Variants in PCDHGB4 observed in about 807,000 individuals in gnomAD.
The protein encoded by PCDHGB4 is protocadherin gamma subfamily B, 4.
A neutral mutation model predicts 60.5 loss-of-function variants in PCDHGB4; 38 were observed. The ratio of observed to expected loss-of-function variants is 0.63; its 90% CI spans 0.48 to 0.82. PCDHGB4 has a LOEUF of 0.82. Among genes scored for constraint, PCDHGB4 ranks in the 40% least tolerant of loss-of-function variants. PCDHGB4 has a pLI of 0.00. For synonymous variants in PCDHGB4, 456 were observed against 509.7 expected (o/e 0.89, Z 1.42); for missense variants, 1,109 against 1,209.6 (o/e 0.92, Z 1.23).
intron 1 of PCDHGB4, among the ~76,000 whole-genome samples, chr5:141,484,685 T>G (rs2099599013): frequency 6.6e-6 from 1 of 151,934 alleles, no homozygotes; most frequent in Non-Finnish European, 1.5e-5. Flanking sequence ...TTGCTAGGGC[T>G]CAGGCTGTGG....
At position 141,508,878 on chromosome 5, in the gene PCDHGB4, C is replaced by A. The variant is rs189735747; in HGVS notation, c.2546-2069C>A. The stretch of plus-strand genomic sequence containing the variant: ...GGCTGGGAAAGGCTGAAGAGGCTGA[C>A]GGCTGGAGGGGAGGGGGCGGGGCGG... On this transcript the variant is annotated intron_variant, in intron 3 of 3. Transcript: ENST00000519479. Among the ~76,000 whole-genome samples, 561 of 152,074 alleles carry A rather than the reference C, an allele frequency of 3.7e-3. 3 individuals carry two copies. The highest frequency in any genetic ancestry group is 0.012 in the African/African-American group (508 of 41,498).
At chr5:141,441,872 G>A (rs1400648028) in intron 1 of PCDHGB4, 4 of 341,526 alleles carry the variant, frequency 1.2e-5, no homozygotes, top group East Asian at 9.4e-5. Context: ...GCGGAGCCTG[G>A]CTACCTGGTC....
chr5:141,412,396 A>G (rs2095553141), intron 1 of PCDHGB4: 1 of 152,216 alleles, frequency 6.6e-6, no homozygotes, highest in Non-Finnish European at 1.5e-5. Flanking sequence ...TTTAACTTGT[A>G]TCCCTGTAAG....
At chr5:141,427,984 C>G (rs754620535) in intron 1 of PCDHGB4, 2 of 1,597,494 alleles carry the variant, frequency 1.3e-6, no homozygotes, top group South Asian at 2.2e-5. Flanking sequence ...GCGCTGGGGC[C>G]CGATGGCTCC....
At chr5:141,484,790 A>T (rs1562101198) in intron 1 of PCDHGB4, among the ~76,000 whole-genome samples, 1 of 152,076 alleles carries the variant, frequency 6.6e-6, no homozygotes, top group Admixed American at 6.6e-5. Flanking sequence ...CACAGAGATA[A>T]CAACCCGTGG....
At position 141,404,149 on chromosome 5, in the gene PCDHGB4, A is replaced by G. The variant is rs758060942; in HGVS notation, c.2397+13868A>G. The G allele has an allele frequency of 3.1e-6, 5 of 1,612,750 alleles. No individual in the cohort carries two copies. In the African/African-American group the frequency reaches 5.3e-5, roughly 17 times the overall value. On this transcript the variant is annotated intron_variant, in intron 1 of 3. Transcript: ENST00000519479. Reference sequence around the variant, plus strand: ...CTTTTACATTAGAAAATTCAGAAGAAGATTATTACAGATTGTTGACGGCCC... The same window carrying G: ...CTTTTACATTAGAAAATTCAGAAGAGGATTATTACAGATTGTTGACGGCCC...
intron 1 of PCDHGB4, chr5:141,413,112 G>A (rs1589839162): frequency 6.7e-7 from 1 of 1,502,662 alleles, no homozygotes; most frequent in East Asian, 2.3e-5. Flanking sequence ...GAAAGACAAA[G>A]GAACCGGTTG....
chr5:141,409,805 C>T lies in PCDHGB4; in HGVS notation c.2397+19524C>T, dbSNP rs751397816. 8 of 1,611,512 alleles carry T rather than the reference C, an allele frequency of 5.0e-6. No individual in the cohort carries two copies. The African/African-American group carries it at 5.3e-5, about 11-fold the overall frequency. ...CGCCTTCGCGCTCACGCTGCAGGCC[C>T]GCGACCACGGCTCGCCCACGCTCAG... is the stretch of plus-strand genomic sequence containing the variant. On this transcript the variant is annotated intron_variant, in intron 1 of 3. Coordinates refer to ENST00000519479, the MANE Select transcript of PCDHGB4 (RefSeq NM_003736.4).
chr5:141,475,343 G>C (rs1425482944), intron 1 of PCDHGB4, among the ~76,000 whole-genome samples: 3 of 152,178 alleles, frequency 2.0e-5, no homozygotes, highest in Non-Finnish European at 2.9e-5. Context: ...ATGACATCCA[G>C]TTTTAAAAGA....
intron 1 of PCDHGB4, chr5:141,428,680 G>T: frequency 6.1e-6 from 1 of 162,778 alleles, no homozygotes; most frequent in Admixed American, 5.8e-5. Context: ...ATTTACAAAT[G>T]GATGAGGTTT....
At chr5:141,419,773 C>G (rs2096431068) in intron 1 of PCDHGB4, 1 of 1,613,916 alleles carries the variant, frequency 6.2e-7, no homozygotes, top group Non-Finnish European at 8.5e-7. Context: ...AGGACTCGGT[C>G]CGCCAGCGCC....
chr5:141,393,169 T>C lies in PCDHGB4; in HGVS notation c.2397+2888T>C, dbSNP rs113280752. 2,582 of 1,613,090 alleles carry C rather than the reference T, an allele frequency of 1.6e-3. 1 individual carries two copies. The highest frequency in any genetic ancestry group is 1.9e-3 in the Non-Finnish European group (2,191 of 1,179,870). On this transcript the variant is annotated intron_variant, in intron 1 of 3. Coordinates refer to ENST00000519479, the MANE Select transcript of PCDHGB4 (RefSeq NM_003736.4). ...GAGGATAAAGGAAAACTCTTTGGGGTAGAAATAGAAATAATTGATATTAAC... is the reference window on the plus strand; with the variant it reads ...GAGGATAAAGGAAAACTCTTTGGGGCAGAAATAGAAATAATTGATATTAAC...
rs980172909 is a variant in PCDHGB4, at chr5:141,485,917, G to A, written c.2398-8890G>A. On this transcript the variant is annotated intron_variant, in intron 1 of 3. Transcript: ENST00000519479. The surrounding 1 kb of genome is among the most constrained non-coding windows in gnomAD (Gnocchi z 5.7). ...CAGCCTTCCAGCAATCCAGCTACAGGATTAGTGTGTTGGAGAGCGCACCAG... is the reference window on the plus strand; with the variant it reads ...CAGCCTTCCAGCAATCCAGCTACAGAATTAGTGTGTTGGAGAGCGCACCAG... The A allele has an allele frequency of 2.6e-5, 42 of 1,614,078 alleles. No homozygotes were observed. Among genetic ancestry groups the A allele is most frequent in the Non-Finnish European group, 3.5e-5 (41 of 1,180,050 alleles).
At chr5:141,411,562 C>A (rs569842846) in intron 1 of PCDHGB4, 1 of 152,054 alleles carries the variant, frequency 6.6e-6, no homozygotes, top group Non-Finnish European at 1.5e-5. Context: ...CCAGCCTGGG[C>A]GACAGAGTGC....
In PCDHGB4 at chr5:141,432,091, C is replaced by A. The variant is rs370491149; in HGVS notation, c.2397+41810C>A. ...CTCATATCTCGCTGAACGTGGCAGA[C>A]ACCAACGACAACCCGCCGGTCTTCC... On this transcript the variant is annotated intron_variant, in intron 1 of 3. Coordinates refer to ENST00000519479, the MANE Select transcript of PCDHGB4 (RefSeq NM_003736.4). This position sits in a 1 kb window ranked among gnomAD's most constrained non-coding sequence, Gnocchi z 6.0. 6.2e-7 allele frequency: 1 copy of A among 1,614,056 alleles called. No individual in the cohort carries two copies. Among genetic ancestry groups the A allele is most frequent in the African/African-American group, 1.3e-5 (1 of 74,908 alleles).
chr5:141,404,752 G>C, intron 1 of PCDHGB4: 1 of 1,614,010 alleles, frequency 6.2e-7, no homozygotes, highest in Non-Finnish European at 8.5e-7. Flanking sequence ...ACTCAGGCCA[G>C]AATGCTTGGC....
In PCDHGB4 at chr5:141,407,146, T is replaced by C. The variant is rs142297912; in HGVS notation, c.2397+16865T>C. On this transcript the variant is annotated intron_variant, in intron 1 of 3. Transcript: ENST00000519479. ...TGCTTTATTTTTAAGAAAAAAAAGC[T>C]GAAGTGTCTGGGAATCCTTTATGAC... 2.0e-5 allele frequency among the ~76,000 whole-genome samples: 3 copies of C among 152,354 alleles called. No individual in the cohort carries two copies. The East Asian group carries it at 5.8e-4, about 29-fold the overall frequency.
intron 1 of PCDHGB4, among the ~76,000 whole-genome samples, chr5:141,484,740 G>GA (rs1047805396): frequency 2.0e-5 from 3 of 150,646 alleles, no homozygotes; most frequent in Admixed American, 1.3e-4. Context: ...GGTGTGTTAG[G>GA]AAAAAAAATG....
intron 2 of PCDHGB4, among the ~76,000 whole-genome samples, chr5:141,500,774 A>G (rs1479931234): frequency 6.6e-6 from 1 of 152,188 alleles, no homozygotes; most frequent in Non-Finnish European, 1.5e-5. Context: ...TCTTATGAAT[A>G]TACATATTAT....
Sources: gnomAD v4.1 joint callset for allele counts (sites outside exome capture counted in the v4.1 genomes callset) on GRCh38, gnomAD v4.1.1 for gene constraint, Gnocchi (gnomAD v3.1) non-coding constraint, MANE v1.5 for transcripts, NCBI Gene and HGNC (gene_info 2026-07-23, HGNC 2026-07-21) for gene names.